Variants in PRDM2 observed in about 807,000 individuals in gnomAD.
PRDM2 encodes the protein PR/SET domain 2.
PRDM2 carries 30 observed loss-of-function variants against 130.0 expected under a neutral mutation model. The observed-to-expected ratio is 0.23, with a 90% CI of 0.17 to 0.31. The LOEUF is 0.31. PRDM2 is among the 10% of genes least tolerant of loss of function. The pLI is 1.00. For synonymous variants in PRDM2, 871 were observed against 782.4 expected, an observed-to-expected ratio of 1.11 and a Z score of -1.89; for missense variants, 2,011 against 2,108.4, an observed-to-expected ratio of 0.95 and a Z score of 0.90.
At chr1:13,820,229 T>C (rs1402545796) in intron 9 of PRDM2, among the ~76,000 whole-genome samples, 1 of 152,204 alleles carries the variant, frequency 6.6e-6, no homozygotes, top group African/African-American at 2.4e-5. Context: ...GAAGGACCCA[T>C]GGCTTTGGCT....
intron 8 of PRDM2, among the ~76,000 whole-genome samples, chr1:13,816,061 C>T (rs2100766932): frequency 6.6e-6 from 1 of 152,274 alleles, no homozygotes; most frequent in East Asian, 1.9e-4. Context: ...CAGAGAAGGG[C>T]ACAGCCGCTG....
At chr1:13,796,525 G>A (rs1305568820) in intron 8 of PRDM2, among the ~76,000 whole-genome samples, 1 of 152,192 alleles carries the variant, frequency 6.6e-6, no homozygotes, top group Non-Finnish European at 1.5e-5. Context: ...GGAGGCTGAG[G>A]CGGGAGGATC....
intron 8 of PRDM2, among the ~76,000 whole-genome samples, chr1:13,793,769 T>C (rs562981918): frequency 1.3e-5 from 2 of 152,266 alleles, no homozygotes; most frequent in Non-Finnish European, 2.9e-5. Flanking sequence ...TTGGAAGAAC[T>C]GTCTTAGGTC....
chr1:13,762,119 C>A (rs1644112287), intron 6 of PRDM2, among the ~76,000 whole-genome samples: 1 of 152,214 alleles, frequency 6.6e-6, no homozygotes, highest in South Asian at 2.1e-4. Context: ...TTTATTGAGT[C>A]TGTGCCAGGC....
At position 13,700,246 on chromosome 1, in the gene PRDM2, C is replaced by G. The variant is rs1256040142; in HGVS notation, c.-120C>G. ...GCCGCGGGCGCCGGGGCCGGCGAAA[C>G]AGCGGCGGCGGCGGCGGCCCTCGGT... is the stretch of plus-strand genomic sequence containing the variant. On this transcript the variant is annotated 5_prime_UTR_variant, in exon 1 of 10. Transcript: ENST00000311066. 6.6e-6 allele frequency: 1 copy of G among 151,964 alleles called. No individual in the cohort carries two copies. The allele number at this position is 151,964 out of a possible 1,614,324, so 9.4% of individuals were successfully genotyped here.
intron 2 of PRDM2, among the ~76,000 whole-genome samples, chr1:13,724,445 CTCTTTTCACAT>C: frequency 6.6e-6 from 1 of 151,720 alleles, no homozygotes; most frequent in Non-Finnish European, 1.5e-5. Context: ...ACTGCTCACA[CTCTTTTCACAT>C]GTACATTGAT....
At chr1:13,701,462 TA>T (rs549207383) in intron 1 of PRDM2, among the ~76,000 whole-genome samples, 3 of 151,214 alleles carry the variant, frequency 2.0e-5, no homozygotes, top group East Asian at 1.9e-4. Flanking sequence ...GTAGGCCTTT[TA>T]AAAAAAAACA....
intron 4 of PRDM2, among the ~76,000 whole-genome samples, chr1:13,740,147 A>G (rs118139784): frequency 0.017 from 2,559 of 152,336 alleles, 39 homozygotes; most frequent in South Asian, 0.084. Context: ...ACTCAACTGT[A>G]ACACTTTGCT....
At chr1:13,729,581 T>G (rs1174962498) in intron 2 of PRDM2, among the ~76,000 whole-genome samples, 9 of 152,190 alleles carry the variant, frequency 5.9e-5, no homozygotes. Context: ...ATGGGGACAC[T>G]ATATTTAGAA....
intron 6 of PRDM2, among the ~76,000 whole-genome samples, chr1:13,764,266 A>G (rs1440774132): frequency 6.6e-6 from 1 of 152,128 alleles, no homozygotes; most frequent in African/African-American, 2.4e-5. Context: ...AAGTTGAATT[A>G]GGTTCTTTAT....
At chr1:13,766,473 G>C (rs771070125) in intron 6 of PRDM2, among the ~76,000 whole-genome samples, 4 of 152,200 alleles carry the variant, frequency 2.6e-5, no homozygotes, top group Admixed American at 6.6e-5. Context: ...CATGGGAATT[G>C]GATGCCTGTA....
intron 8 of PRDM2, among the ~76,000 whole-genome samples, chr1:13,805,535 T>A (rs1645073784): frequency 6.6e-6 from 1 of 151,862 alleles, no homozygotes; most frequent in African/African-American, 2.4e-5. Flanking sequence ...CTCCCACAGC[T>A]CCCACCTGTG....
intron 8 of PRDM2, among the ~76,000 whole-genome samples, chr1:13,790,352 C>T (rs761022811): frequency 6.6e-6 from 1 of 152,234 alleles, no homozygotes; most frequent in Non-Finnish European, 1.5e-5. Context: ...CTAAGGCTGG[C>T]GGGGCCGTGC....
At chr1:13,807,056 A>G (rs1232161307) in intron 8 of PRDM2, among the ~76,000 whole-genome samples, 1 of 152,006 alleles carries the variant, frequency 6.6e-6, no homozygotes, top group Non-Finnish European at 1.5e-5. Flanking sequence ...TTTCTCTTGT[A>G]TATTTCAGTG....
chr1:13,765,744 C>T (rs1024164735), intron 6 of PRDM2, among the ~76,000 whole-genome samples: 2 of 152,180 alleles, frequency 1.3e-5, no homozygotes, highest in African/African-American at 4.8e-5. Flanking sequence ...GGATTACAGG[C>T]GTGAGCCACC....
At chr1:13,811,432 G>A (rs1405617910) in intron 8 of PRDM2, among the ~76,000 whole-genome samples, 1 of 152,188 alleles carries the variant, frequency 6.6e-6, no homozygotes, top group East Asian at 1.9e-4. Flanking sequence ...AGGCAGTGCT[G>A]GGAGCGCACA....
rs1355417531 is a variant in PRDM2 at position 13,773,135 on chromosome 1, T to C, written c.569T>C (p.Leu190Pro). The change falls in exon 7 of 10, where the codon CTG becomes CCG. Residue 190 changes from leucine to proline, a missense_variant. By Grantham distance (98) the Leu-to-Pro change is moderately conservative. Transcript: ENST00000311066. ...GGAAACAAAATCCAAGACATACAAC[T>C]GAAGACAAGTGAGCCAGATTTCACC... is the stretch of plus-strand genomic sequence containing the variant. The part of the protein sequence containing the change: ...NKGNKIQDIQ[L>P]KTSEPDFTSA... The C allele has an allele frequency of 2.5e-6, 4 of 1,577,704 alleles. 1 individual carries two copies. Among genetic ancestry groups the C allele is most frequent in the East Asian group, 2.3e-5 (1 of 43,850 alleles).
chr1:13,823,210 T>C lies in PRDM2; in HGVS notation c.*75T>C. On this transcript the variant is annotated 3_prime_UTR_variant, in exon 10 of 10. Transcript: ENST00000311066. ...AGCCAAAGGGACTGGCAGTCTGCCC[T>C]GCAGGGAGTACCGACCTATCCCAGT... 6.2e-7 allele frequency: 1 copy of C among 1,612,404 alleles called. No individual in the cohort carries two copies. Among genetic ancestry groups the C allele is most frequent in the South Asian group, 1.1e-5 (1 of 90,938 alleles).
At chr1:13,818,355 C>T (rs536342205) in intron 9 of PRDM2, among the ~76,000 whole-genome samples, 1 of 150,606 alleles carries the variant, frequency 6.6e-6, no homozygotes, top group Admixed American at 6.7e-5. Context: ...GCCCTCCAAC[C>T]CCAAGACCTC....
Sources: gnomAD v4.1 joint callset for allele counts (sites outside exome capture counted in the v4.1 genomes callset) on GRCh38, gnomAD v4.1.1 for gene constraint, MANE v1.5 for transcripts, NCBI Gene and HGNC (gene_info 2026-07-23, HGNC 2026-07-21) for gene names.